Variants in TNR observed in about 807,000 individuals in gnomAD.
TNR encodes tenascin R.
In TNR, 45 loss-of-function variants were observed where a neutral mutation model predicts 150.4. That is an observed-to-expected ratio of 0.30 (90% confidence interval 0.24 to 0.38). TNR has a LOEUF of 0.38. Among genes scored for constraint, TNR ranks in the 10% least tolerant of loss-of-function variants. TNR has a pLI of 1.00. For synonymous variants in TNR, 687 were observed against 678.4 expected (o/e 1.01, Z -0.20); for missense variants, 1,544 against 1,759.1 (o/e 0.88, Z 2.19).
chr1:175,420,694 A>G (rs573527380), intron 2 of TNR, among the ~76,000 whole-genome samples: 5 of 152,172 alleles, frequency 3.3e-5, no homozygotes, highest in Non-Finnish European at 7.3e-5. Context: ...ATCACGACTG[A>G]TTCCTCTACC....
chr1:175,686,583 C>T (rs957510436), intron 1 of TNR, among the ~76,000 whole-genome samples: 1 of 152,122 alleles, frequency 6.6e-6, no homozygotes, highest in African/African-American at 2.4e-5. Flanking sequence ...TTCGATTGAG[C>T]CCATCACCCA....
chr1:175,335,742 G>C lies in TNR; in HGVS notation c.3600C>G (p.Gly1200=), dbSNP rs1310314293. The part of the protein sequence containing the change: ...FFRKWADYRV[G]FGNVEDEFWL... ...AGAACTCATCCTCCACGTTCCCGAA[G>C]CCAACACGGTAATCAGCCCATTTCC... Residue 1200 remains glycine, a synonymous_variant, in exon 20 of 23, where the codon GGC becomes GGG. Coordinates refer to ENST00000367674, the MANE Select transcript of TNR (RefSeq NM_003285.3). 6.2e-7 allele frequency: 1 copy of C among 1,614,002 alleles called. No homozygotes were observed. The highest frequency in any genetic ancestry group is 2.2e-5 in the East Asian group (1 of 44,896).
intron 2 of TNR, among the ~76,000 whole-genome samples, chr1:175,461,719 T>C (rs7547439): frequency 0.19 from 28,188 of 152,176 alleles, 3,383 homozygotes; most frequent in East Asian, 0.55. Context: ...TTCTTTTCAA[T>C]GAGACCTTTT....
At chr1:175,499,028 A>G (rs1425631482) in intron 2 of TNR, among the ~76,000 whole-genome samples, 1 of 152,248 alleles carries the variant, frequency 6.6e-6, no homozygotes, top group Non-Finnish European at 1.5e-5. Flanking sequence ...TTAACAGGAA[A>G]GAAAACCTAT....
At chr1:175,402,100 G>T (rs982142191) in intron 4 of TNR, among the ~76,000 whole-genome samples, 2 of 151,880 alleles carry the variant, frequency 1.3e-5, no homozygotes, top group Middle Eastern at 3.4e-3. Context: ...GAGGTCAGGA[G>T]ATCGAGACCA....
intron 2 of TNR, among the ~76,000 whole-genome samples, chr1:175,479,362 C>T (rs1657680060): frequency 6.6e-6 from 1 of 152,172 alleles, no homozygotes; most frequent in Admixed American, 6.5e-5. Flanking sequence ...CAAGTTTCCC[C>T]CCACCAACAA....
Position 175,330,057 on chromosome 1 carries a change from T to C in TNR, c.3793+17A>G. On this transcript the variant is annotated intron_variant, in intron 21 of 22. Coordinates refer to ENST00000367674, the MANE Select transcript of TNR (RefSeq NM_003285.3). Reference sequence around the variant, plus strand: ...CATGCCCACTGTCCTTGGGGTCTGCTCAGGAGCCATAGGTACCCGCAGTGC... The same window carrying C: ...CATGCCCACTGTCCTTGGGGTCTGCCCAGGAGCCATAGGTACCCGCAGTGC... The C allele has an allele frequency of 6.4e-7, 1 of 1,559,566 alleles. No homozygotes were observed. The highest frequency in any genetic ancestry group is 1.3e-5 in the African/African-American group (1 of 74,144).
intron 2 of TNR, among the ~76,000 whole-genome samples, chr1:175,517,591 CAA>C (rs1659466442): frequency 6.6e-6 from 1 of 152,240 alleles, no homozygotes; most frequent in Non-Finnish European, 1.5e-5. Context: ...GGCCAGTCCC[CAA>C]TGGATAGAAT....
chr1:175,460,786 T>TAC (rs1656780168), intron 2 of TNR, among the ~76,000 whole-genome samples: 1 of 152,204 alleles, frequency 6.6e-6, no homozygotes, highest in African/African-American at 2.4e-5. Flanking sequence ...AGTGCTTTAC[T>TAC]ACTCAAAGTT....
At chr1:175,373,619 C>A (rs934021892) in intron 9 of TNR, among the ~76,000 whole-genome samples, 3 of 152,190 alleles carry the variant, frequency 2.0e-5, no homozygotes, top group African/African-American at 7.2e-5. Flanking sequence ...AATAATACTT[C>A]TAAGGCCTGT....
intron 1 of TNR, among the ~76,000 whole-genome samples, chr1:175,597,300 C>A (rs1312776687): frequency 6.6e-6 from 1 of 152,180 alleles, no homozygotes. Flanking sequence ...CACTGGTCTG[C>A]AGGATGCTTG....
intron 8 of TNR, among the ~76,000 whole-genome samples, chr1:175,382,080 C>T (rs1482465440): frequency 2.0e-5 from 3 of 152,196 alleles, no homozygotes; most frequent in Non-Finnish European, 4.4e-5. Context: ...TCCAACATGG[C>T]CACGCTTCTG....
intron 1 of TNR, among the ~76,000 whole-genome samples, chr1:175,536,456 A>G (rs560633919): frequency 1.3e-5 from 2 of 152,286 alleles, no homozygotes; most frequent in East Asian, 3.9e-4. Context: ...CATTATCCCC[A>G]TTTTACAGTC....
At chr1:175,729,638 T>G (rs1393602752) in intron 1 of TNR, among the ~76,000 whole-genome samples, 3 of 152,194 alleles carry the variant, frequency 2.0e-5, no homozygotes, top group African/African-American at 7.2e-5. Context: ...ATTCATTTAT[T>G]TCTGTATCTC....
chr1:175,521,299 G>A (rs1659628456), intron 2 of TNR, among the ~76,000 whole-genome samples: 1 of 152,198 alleles, frequency 6.6e-6, no homozygotes, highest in Admixed American at 6.5e-5. Flanking sequence ...TGGAGCTTCT[G>A]AGGGTTCTTT....
At chr1:175,367,388 T>C in intron 9 of TNR, 91 bp from the exon 10 acceptor site, 2 of 1,034,978 alleles carry the variant, frequency 1.9e-6, no homozygotes, top group African/African-American at 1.6e-5. Flanking sequence ...TAGACTCCTA[T>C]TCATATCTTG....
At chr1:175,671,911 C>CTGTGTGTATATGTGTGTG in intron 1 of TNR, among the ~76,000 whole-genome samples, 1 of 142,140 alleles carries the variant, frequency 7.0e-6, no homozygotes, top group Non-Finnish European at 1.5e-5. Context: ...TGAGCTGTAC[C>CTGTGTGTATATGTGTGTG]TGTGTGTGTG....
chr1:175,666,833 A>G (rs61358500), intron 1 of TNR, among the ~76,000 whole-genome samples: 7,877 of 152,244 alleles, frequency 0.052, 579 homozygotes, highest in African/African-American at 0.16. Flanking sequence ...CTATAGCCTC[A>G]AACTCCAGGT....
chr1:175,480,298 A>C (rs1261294204), intron 2 of TNR, among the ~76,000 whole-genome samples: 1 of 151,784 alleles, frequency 6.6e-6, no homozygotes, highest in Non-Finnish European at 1.5e-5. Flanking sequence ...ACATAGTAAA[A>C]AAAAAATGAG....
Sources: allele counts gnomAD v4.1 joint callset (sites outside exome capture counted in the v4.1 genomes callset), GRCh38; gene constraint gnomAD v4.1.1; transcripts MANE v1.5; gene names NCBI Gene and HGNC (gene_info 2026-07-23, HGNC 2026-07-21).